The following GTF2A1 variants were observed in gnomAD, a reference collection of about 807,000 sequenced individuals.
GTF2A1 encodes general transcription factor IIA subunit 1.
A neutral mutation model predicts 54.1 loss-of-function variants in GTF2A1; 12 were observed. That is an observed-to-expected ratio of 0.22 (90% CI 0.14 to 0.36). GTF2A1 has a LOEUF of 0.36. GTF2A1 is among the 10% of genes least tolerant of loss of function. The probability of loss-of-function intolerance (pLI) is 1.00; values close to 1 mark genes in which losing one functional copy is unlikely to be tolerated. For missense variants in GTF2A1, 335 were observed against 442.2 expected, an observed-to-expected ratio of 0.76 and a Z score of 2.17; for synonymous variants, 145 against 152.0, an observed-to-expected ratio of 0.95 and a Z score of 0.34.
chr14:81,189,226 G>A (rs1202220982), intron 7 of GTF2A1, among the ~76,000 whole-genome samples: 2 of 152,012 alleles, frequency 1.3e-5, no homozygotes, highest in African/African-American at 2.4e-5. Context: ...ATCATAAATG[G>A]TTCAACTCAC....
intron 1 of GTF2A1, 97 bp from the exon 2 acceptor site, chr14:81,216,611 C>A: frequency 1.6e-6 from 1 of 624,124 alleles, no homozygotes; most frequent in Middle Eastern, 4.2e-4. Context: ...GTCATTTTGC[C>A]AACTATCTAT....
chr14:81,192,369 G>A (rs1892893393), intron 7 of GTF2A1, 150 bp downstream of exon 7: 1 of 614,918 alleles, frequency 1.6e-6, no homozygotes, highest in Non-Finnish European at 2.8e-6. Flanking sequence ...CCTTACTAAA[G>A]TTAAAACAAT....
At chr14:81,186,848 G>T (rs1207138721) in intron 7 of GTF2A1, among the ~76,000 whole-genome samples, 1 of 152,052 alleles carries the variant, frequency 6.6e-6, no homozygotes, top group East Asian at 1.9e-4. Context: ...TACTCAGGAG[G>T]ATGAGGGTGG....
chr14:81,220,737 T>TAAA lies in GTF2A1; in HGVS notation c.-222_-220dup, dbSNP rs879011381. 23 of 198,734 alleles carry TAAA rather than the reference T, an allele frequency of 1.2e-4. No individual in the cohort carries two copies. Among genetic ancestry groups the TAAA allele is most frequent in the Non-Finnish European group, 1.5e-4 (16 of 106,236 alleles). 12.3% of individuals were successfully genotyped at this position (198,734 alleles called of 1,614,324 possible). ...CAGCTGAAAACCTCGAGAATCGCCT[T>TAAA]AAAAAAAAAAAAAAAGCCACGACCC... On this transcript the variant is annotated 5_prime_UTR_variant, in exon 1 of 9. Coordinates refer to ENST00000553612, the MANE Select transcript of GTF2A1 (RefSeq NM_015859.4).
rs1214348672 is a variant in GTF2A1, at chr14:81,176,955, T to C, written c.*3268A>G. 1 of 152,066 alleles carries C rather than the reference T, an allele frequency of 6.6e-6. No individual in the cohort carries two copies. Among genetic ancestry groups the C allele is most frequent in the Non-Finnish European group, 1.5e-5 (1 of 67,976 alleles). 9.4% of individuals were successfully genotyped at this position (152,066 alleles called of 1,614,324 possible). A position where few individuals can be genotyped will look rare whatever the true frequency, so the allele number is the denominator to read the frequency against. ...TGTCTGTTTTCCTATACAAGGGGTA[T>C]TTACCCTCTGATAAGAATGGTGACA... On this transcript the variant is annotated 3_prime_UTR_variant, in exon 9 of 9. Transcript: ENST00000553612.
In GTF2A1 at chr14:81,212,298, C is replaced by T. The variant is rs527352777; in HGVS notation, c.132+4115G>A. 6.6e-5 allele frequency among the ~76,000 whole-genome samples: 10 copies of T among 152,146 alleles called. 1 individual carries two copies. The South Asian group carries it at 1.7e-3, about 25-fold the overall frequency. On this transcript the variant is annotated intron_variant, in intron 2 of 8. Coordinates refer to ENST00000553612, the MANE Select transcript of GTF2A1 (RefSeq NM_015859.4). ...GAAATCAGGTTGATTTTATCATTCA[C>T]TTTGAAGAGAATTTCTACAGTGTCA...
At chr14:81,186,163 T>C (rs913549465) in intron 7 of GTF2A1, among the ~76,000 whole-genome samples, 1 of 152,252 alleles carries the variant, frequency 6.6e-6, no homozygotes, top group African/African-American at 2.4e-5. Flanking sequence ...ATCTTTATTT[T>C]CTTTATTTTT....
rs142172629 is a variant in GTF2A1 at position 81,186,806 on chromosome 14, G to C, written c.934-1186C>G. ...TCTACAAAAAATAAAAAAAATTAGC[G>C]AGGTATGGTGGCATATGCCTATAGT... On this transcript the variant is annotated intron_variant, in intron 7 of 8. Coordinates refer to ENST00000553612, the MANE Select transcript of GTF2A1 (RefSeq NM_015859.4). Among the ~76,000 whole-genome samples the C allele has an allele frequency of 2.0e-3, 297 of 152,112 alleles. 5 individuals are homozygous for C. Among genetic ancestry groups the C allele is most frequent in the Non-Finnish European group, 7.1e-4 (48 of 67,994 alleles).
intron 7 of GTF2A1, among the ~76,000 whole-genome samples, chr14:81,190,661 TA>T (rs938409386): frequency 2.0e-5 from 3 of 149,814 alleles, no homozygotes; most frequent in East Asian, 1.9e-4. Flanking sequence ...AGATATCCAT[TA>T]AAAAAAAAGA....
intron 8 of GTF2A1, 70 bp downstream of exon 8, chr14:81,185,461 G>A (rs1892723891): frequency 1.2e-5 from 10 of 850,828 alleles, no homozygotes; most frequent in Non-Finnish European, 1.8e-5. Context: ...TTTCAATAAG[G>A]CAGAAAGAAT....
In GTF2A1 at chr14:81,216,531, A is replaced by C; in HGVS notation, c.31-17T>G. 1 of 1,136,180 alleles carries C rather than the reference A, an allele frequency of 8.8e-7. No individual in the cohort carries two copies. The highest frequency in any genetic ancestry group is 2.4e-5 in the East Asian group (1 of 42,462). The allele number at this position is 1,136,180 out of a possible 1,614,324, so 70.4% of individuals were successfully genotyped here. ...TAATTTAGGCTTTAAAGGAAAAATA[A>C]AAGACTTGAAAAAGACAGTTTTTCA... is the stretch of plus-strand genomic sequence containing the variant. On this transcript the variant is annotated splice_polypyrimidine_tract_variant and intron_variant, in intron 1 of 8. Coordinates refer to ENST00000553612, the MANE Select transcript of GTF2A1 (RefSeq NM_015859.4).
At chr14:81,210,388 C>T (rs925749295) in intron 2 of GTF2A1, among the ~76,000 whole-genome samples, 3 of 151,934 alleles carry the variant, frequency 2.0e-5, no homozygotes, top group African/African-American at 4.8e-5. Context: ...ACAATGAGGC[C>T]GGGCACGGTG....
chr14:81,192,448 T>C, intron 7 of GTF2A1, 71 bp downstream of exon 7: 1 of 1,117,780 alleles, frequency 8.9e-7, no homozygotes, highest in Non-Finnish European at 1.3e-6. Context: ...GGATATAATT[T>C]ATCAGTGTTG....
chr14:81,212,158 T>G (rs1893385668), intron 2 of GTF2A1, among the ~76,000 whole-genome samples: 1 of 152,064 alleles, frequency 6.6e-6, no homozygotes, highest in Non-Finnish European at 1.5e-5. Flanking sequence ...AAACTGAATT[T>G]CAGATATACT....
rs549556345 is a variant in GTF2A1 at position 81,186,398 on chromosome 14, T to C, written c.934-778A>G. 1.6e-4 allele frequency among the ~76,000 whole-genome samples: 25 copies of C among 152,206 alleles called. No homozygotes were observed. The East Asian group carries it at 4.1e-3, about 25-fold the overall frequency. On this transcript the variant is annotated intron_variant, in intron 7 of 8. Coordinates refer to ENST00000553612, the MANE Select transcript of GTF2A1 (RefSeq NM_015859.4). ...CTTGGACTCTAAATACAAATCAGCA[T>C]GTTTAGCATGATGATGGTTATGGTA...
In GTF2A1 at chr14:81,176,813, T is replaced by C. The variant is rs1892538488; in HGVS notation, c.*3410A>G. 6.6e-6 allele frequency: 1 copy of C among 151,934 alleles called. No individual in the cohort carries two copies. The highest frequency in any genetic ancestry group is 1.5e-5 in the Non-Finnish European group (1 of 67,906). 9.4% of individuals were successfully genotyped at this position (151,934 alleles called of 1,614,324 possible). On this transcript the variant is annotated 3_prime_UTR_variant, in exon 9 of 9. Coordinates refer to ENST00000553612, the MANE Select transcript of GTF2A1 (RefSeq NM_015859.4). The stretch of plus-strand genomic sequence containing the variant: ...GTACAAAGATGGATCAACAAACTAT[T>C]ACATTGCACAAAAGCTTAAAAAAAA...
intron 2 of GTF2A1, chr14:81,209,987 C>T: frequency 1.2e-6 from 1 of 821,730 alleles, no homozygotes; most frequent in Non-Finnish European, 1.8e-6. Flanking sequence ...AATACTGTTC[C>T]TATATAAGGA....
intron 2 of GTF2A1, among the ~76,000 whole-genome samples, chr14:81,207,433 A>C (rs1258004546): frequency 5.3e-5 from 8 of 152,222 alleles, no homozygotes; most frequent in Non-Finnish European, 7.3e-5. Flanking sequence ...CTCCCCAGCC[A>C]TGTGGAACTG....
chr14:81,211,437 G>T (rs28391486), intron 2 of GTF2A1, among the ~76,000 whole-genome samples: 5,114 of 152,252 alleles, frequency 0.034, 277 homozygotes, highest in African/African-American at 0.11. Context: ...AGGCAAAAGG[G>T]CTAGGTTCAT....
Sources: gnomAD v4.1 joint callset for allele counts (sites outside exome capture counted in the v4.1 genomes callset) on GRCh38, gnomAD v4.1.1 for gene constraint, MANE v1.5 for transcripts, NCBI Gene and HGNC (gene_info 2026-07-23, HGNC 2026-07-21) for gene names.